Variants in NF1 observed in about 807,000 individuals in gnomAD.
NF1 encodes the protein neurofibromin.
In NF1, 122 loss-of-function variants were observed where a neutral mutation model predicts 325.7. That is an observed-to-expected ratio of 0.37 (90% confidence interval 0.32 to 0.44). The LOEUF (loss-of-function observed/expected upper bound fraction) is 0.44, where lower values mean the gene tolerates loss of function less well. Among genes scored for constraint, NF1 ranks in the 20% least tolerant of loss-of-function variants. NF1 has a pLI of 1.00. For synonymous variants in NF1, 1,091 were observed against 1,186.0 expected, an observed-to-expected ratio of 0.92 and a Z score of 1.65; for missense variants, 2,140 against 3,415.4, an observed-to-expected ratio of 0.63 and a Z score of 9.31.
chr17:31,339,400 G>A (rs1290257605), intron 46 of NF1, among the ~76,000 whole-genome samples: 1 of 152,080 alleles, frequency 6.6e-6, no homozygotes, highest in African/African-American at 2.4e-5. Flanking sequence ...TAAGATATCT[G>A]GAAATCATGT....
chr17:31,261,616 C>A, intron 34 of NF1, 95 bp from the exon 35 acceptor site: 1 of 1,331,678 alleles, frequency 7.5e-7, no homozygotes, highest in Non-Finnish European at 1.1e-6. Context: ...AATCAGCTGA[C>A]AGTAAAAGGA....
At position 31,336,349 on chromosome 17, in the gene NF1, ATGT is replaced by A. The variant is rs2069668833; in HGVS notation, c.6027_6029del (p.Val2010del). 6.2e-7 allele frequency: 1 copy of A among 1,614,062 alleles called. No homozygotes were observed. Among genetic ancestry groups the A allele is most frequent in the Non-Finnish European group, 8.5e-7 (1 of 1,179,970 alleles). ...TTCAACTAGATTACAGATCTGCTTG[ATGT>A]TGTACTAGACAGTTTCATCAAAACC... On this transcript the variant is annotated inframe_deletion, in exon 41 of 58. Coordinates refer to ENST00000358273, the MANE Select transcript of NF1 (RefSeq NM_001042492.3). The surrounding 1 kb of genome is among the most constrained non-coding windows in gnomAD (Gnocchi z 5.5).
In NF1 at chr17:31,374,540, C is replaced by T. The variant is rs1597883440; in HGVS notation, c.*385C>T. On this transcript the variant is annotated 3_prime_UTR_variant, in exon 58 of 58. Transcript: ENST00000358273. ...AGAGCTCTGCCTTCTGTGGTTTTCC[C>T]TTCTTCATCCTACAGAGTAAAGTGT... 1.0e-5 allele frequency: 4 copies of T among 394,502 alleles called. No homozygotes were observed. In the East Asian group the frequency reaches 1.7e-4, roughly 17 times the overall value. 24.4% of individuals were successfully genotyped at this position (394,502 alleles called of 1,614,324 possible). A position where few individuals can be genotyped will look rare whatever the true frequency, so the allele number is the denominator to read the frequency against.
chr17:31,302,141 AT>A (rs1202532509), intron 36 of NF1, among the ~76,000 whole-genome samples: 1 of 152,188 alleles, frequency 6.6e-6, no homozygotes, highest in Non-Finnish European at 1.5e-5. Flanking sequence ...TTTAAAAAAA[AT>A]AAAAGGAAAA....
At chr17:31,304,906 T>G (rs1187926876) in intron 36 of NF1, 9 of 1,614,170 alleles carry the variant, frequency 5.6e-6, no homozygotes, top group Non-Finnish European at 7.6e-6. Flanking sequence ...CCAATTTTGA[T>G]CATTTAAAAC....
chr17:31,100,310 CAAAT>C (rs1912203857), intron 1 of NF1, among the ~76,000 whole-genome samples: 1 of 152,100 alleles, frequency 6.6e-6, no homozygotes, highest in African/African-American at 2.4e-5. Flanking sequence ...ACTGATTAGA[CAAAT>C]AGATTTGCAA....
At chr17:31,179,915 G>A (rs2066095654) in intron 5 of NF1, among the ~76,000 whole-genome samples, 2 of 151,988 alleles carry the variant, frequency 1.3e-5, no homozygotes, top group South Asian at 4.2e-4. Flanking sequence ...TGATAAAAGG[G>A]ATATCACCAC....
chr17:31,269,749 C>T (rs1007915045), intron 36 of NF1, among the ~76,000 whole-genome samples: 1 of 152,124 alleles, frequency 6.6e-6, no homozygotes, highest in Non-Finnish European at 1.5e-5. Flanking sequence ...CTTAACAATC[C>T]CAGAGGAAAA....
intron 1 of NF1, among the ~76,000 whole-genome samples, chr17:31,103,221 G>A (rs2143228779): frequency 6.6e-6 from 1 of 152,138 alleles, no homozygotes; most frequent in African/African-American, 2.4e-5. Context: ...TAGGAAATTA[G>A]ATTCTTTTCT....
chr17:31,185,084 C>T lies in NF1; in HGVS notation c.888+2419C>T, dbSNP rs114961757. Among the ~76,000 whole-genome samples, 1,301 of 152,270 alleles carry T rather than the reference C, an allele frequency of 8.5e-3. 22 individuals are homozygous for T. Among genetic ancestry groups the T allele is most frequent in the African/African-American group, 0.029 (1,223 of 41,540 alleles). ...AGCCATGCTGCCATCAGCCTTTCCA[C>T]TTTTGTCTGAAGAGATAAACCCTGC... is the stretch of plus-strand genomic sequence containing the variant. On this transcript the variant is annotated intron_variant, in intron 8 of 57. Coordinates refer to ENST00000358273, the MANE Select transcript of NF1 (RefSeq NM_001042492.3).
At chr17:31,178,055 A>G (rs2066056310) in intron 5 of NF1, among the ~76,000 whole-genome samples, 1 of 152,152 alleles carries the variant, frequency 6.6e-6, no homozygotes, top group South Asian at 2.1e-4. Flanking sequence ...CAACCCCAAG[A>G]CATATAATCG....
chr17:31,113,021 T>A (rs1165951162), intron 1 of NF1, among the ~76,000 whole-genome samples: 1 of 152,192 alleles, frequency 6.6e-6, no homozygotes, highest in African/African-American at 2.4e-5. Flanking sequence ...GTATAAGTCC[T>A]CCAGCTTTCT....
chr17:31,225,079 A>AT lies in NF1; in HGVS notation c.1846-13dup, dbSNP rs757751570. ...GTCAGTGCTTCAGTAAAGCTTATTT[A>AT]TTTATTTTTTTCTAGCAGGCAGATA... On this transcript the variant is annotated splice_polypyrimidine_tract_variant and intron_variant, in intron 16 of 57. Transcript: ENST00000358273. 2 of 1,612,792 alleles carry AT rather than the reference A, an allele frequency of 1.2e-6. No individual in the cohort carries two copies. Among genetic ancestry groups the AT allele is most frequent in the Non-Finnish European group, 1.7e-6 (2 of 1,179,350 alleles).
chr17:31,170,129 A>T (rs985709961), intron 5 of NF1, 132 bp downstream of exon 5: 1 of 653,480 alleles, frequency 1.5e-6, no homozygotes, highest in African/African-American at 1.8e-5. Context: ...TCCTTGTGAA[A>T]TAACCAGTAA....
chr17:31,262,632 G>A (rs1448937955), intron 35 of NF1, among the ~76,000 whole-genome samples: 1 of 152,074 alleles, frequency 6.6e-6, no homozygotes, highest in African/African-American at 2.4e-5. Context: ...GTTGTTAGTT[G>A]TATTACTTAC....
rs1354039315 is a variant in NF1 at position 31,226,497 on chromosome 17, A to G, written c.2064A>G (p.Glu688=). Residue 688 remains glutamate, a synonymous_variant, in exon 18 of 58, where the codon GAA becomes GAG. Transcript: ENST00000358273. ...GCCGACAAGCCCAGACCAAACTAGA[A>G]GTGGCCCTGTACATGTTTCTGTGGA... The part of the protein sequence containing the change: ...PICRQAQTKL[E]VALYMFLWNP... 6.2e-7 allele frequency: 1 copy of G among 1,613,786 alleles called. No homozygotes were observed. The highest frequency in any genetic ancestry group is 8.5e-7 in the Non-Finnish European group (1 of 1,179,828).
At chr17:31,343,975 G>T (rs1339342350) in intron 48 of NF1, among the ~76,000 whole-genome samples, 1 of 147,860 alleles carries the variant, frequency 6.8e-6, no homozygotes, top group Admixed American at 6.8e-5. Flanking sequence ...AAAAAAAAAA[G>T]TGTTGATTCT....
chr17:31,170,718 A>G (rs1158441829), intron 5 of NF1, among the ~76,000 whole-genome samples: 1 of 152,250 alleles, frequency 6.6e-6, no homozygotes, highest in Non-Finnish European at 1.5e-5. Flanking sequence ...ATGAGTATTC[A>G]TAAACTGAGT....
intron 1 of NF1, among the ~76,000 whole-genome samples, chr17:31,101,785 C>T (rs543855471): frequency 2.6e-5 from 4 of 151,882 alleles, no homozygotes; most frequent in Admixed American, 2.0e-4. Flanking sequence ...TCCTTGTTAC[C>T]TGGAGTTTTA....
Sources: allele counts gnomAD v4.1 joint callset (sites outside exome capture counted in the v4.1 genomes callset), GRCh38; gene constraint gnomAD v4.1.1; non-coding constraint Gnocchi (gnomAD v3.1); transcripts MANE v1.5; gene names NCBI Gene and HGNC (gene_info 2026-07-23, HGNC 2026-07-21).